Variants in CDK5RAP2 observed in about 807,000 individuals in gnomAD.
CDK5RAP2 encodes CDK5 regulatory subunit associated protein 2.
In CDK5RAP2, 147 loss-of-function variants were observed where a neutral mutation model predicts 232.9. The observed-to-expected ratio is 0.63, with a 90% CI of 0.55 to 0.72. The LOEUF (loss-of-function observed/expected upper bound fraction) is 0.72. CDK5RAP2 is among the 30% of genes least tolerant of loss of function. The pLI, the probability that CDK5RAP2 is intolerant of heterozygous loss-of-function variation, is 0.00. For synonymous variants in CDK5RAP2, 833 were observed against 833.7 expected (o/e 1.00, Z 0.01); for missense variants, 2,195 against 2,231.5 (o/e 0.98, Z 0.33).
At chr9:120,520,289 T>C (rs969205200) in intron 11 of CDK5RAP2, among the ~76,000 whole-genome samples, 2 of 152,198 alleles carry the variant, frequency 1.3e-5, no homozygotes, top group African/African-American at 4.8e-5. Context: ...TCGCTGCCTG[T>C]AATCCCAACA....
rs538618954 is a variant in CDK5RAP2 at position 120,404,186 on chromosome 9, C to T, written c.4964-73G>A. ...TTCAAGAGAGAACTGAAAGAGAATA[C>T]AGTCAAGCCCCTCACATTCACTTAT... is the stretch of plus-strand genomic sequence containing the variant. On this transcript the variant is annotated intron_variant, in intron 32 of 37. Coordinates refer to ENST00000349780, the MANE Select transcript of CDK5RAP2 (RefSeq NM_018249.6). 4.6e-4 allele frequency: 433 copies of T among 947,526 alleles called. 1 individual carries two copies. Among genetic ancestry groups the T allele is most frequent in the Non-Finnish European group, 6.1e-4 (352 of 581,158 alleles). The allele number at this position is 947,526 out of a possible 1,614,324, so 58.7% of individuals were successfully genotyped here.
At chr9:120,570,962 G>T (rs1253111243) in intron 2 of CDK5RAP2, among the ~76,000 whole-genome samples, 1 of 152,180 alleles carries the variant, frequency 6.6e-6, no homozygotes, top group Non-Finnish European at 1.5e-5. Flanking sequence ...AGGAATTCGA[G>T]ACCAGACTGG....
At chr9:120,443,256 C>T (rs1303754835) in intron 23 of CDK5RAP2, among the ~76,000 whole-genome samples, 1 of 152,144 alleles carries the variant, frequency 6.6e-6, no homozygotes, top group Non-Finnish European at 1.5e-5. Flanking sequence ...CAGGCAGCCC[C>T]GCGCTGAATA....
In CDK5RAP2 at chr9:120,550,815, G is replaced by A. The variant is rs151051204; in HGVS notation, c.283C>T (p.Pro95Ser). The A allele has an allele frequency of 6.2e-7, 1 of 1,608,450 alleles. No individual in the cohort carries two copies. Among genetic ancestry groups the A allele is most frequent in the Non-Finnish European group, 8.5e-7 (1 of 1,174,882 alleles). Residue 95 changes from proline (P) to serine (S), a missense_variant, in exon 4 of 38, where the codon CCC becomes TCC. Transcript: ENST00000349780. ...ACAGTTTTGTAGATATGTTCAGTGG[G>A]GCCATGAAATTCCTGTTGCATTCTT... is the stretch of plus-strand genomic sequence containing the variant. ...EERMQQEFHG[P>S]TEHIYKTNIE...
intron 11 of CDK5RAP2, among the ~76,000 whole-genome samples, chr9:120,524,207 A>C (rs1749845327): frequency 6.6e-6 from 1 of 152,246 alleles, no homozygotes; most frequent in Non-Finnish European, 1.5e-5. Context: ...TATGGGGAGC[A>C]CTTAGCAGGC....
At chr9:120,559,488 C>CAAA (rs558274119) in intron 3 of CDK5RAP2, among the ~76,000 whole-genome samples, 4 of 48,862 alleles carry the variant, frequency 8.2e-5, no homozygotes, top group Non-Finnish European at 1.6e-4. Flanking sequence ...GACTCTGTCT[C>CAAA]AAAAAAAAAA....
At chr9:120,484,479 T>C (rs1187821877) in intron 14 of CDK5RAP2, among the ~76,000 whole-genome samples, 1 of 152,064 alleles carries the variant, frequency 6.6e-6, no homozygotes, top group African/African-American at 2.4e-5. Flanking sequence ...CCCAGCAATT[T>C]GGGAGGATGA....
chr9:120,405,190 ACAT>A (rs1170431767), intron 32 of CDK5RAP2, among the ~76,000 whole-genome samples: 1 of 152,238 alleles, frequency 6.6e-6, no homozygotes, highest in African/African-American at 2.4e-5. Flanking sequence ...TCAGTGAAAG[ACAT>A]CAGCCTTTAG....
rs1473017306 is a variant in CDK5RAP2, at chr9:120,448,047, T to G, written c.2873A>C (p.Gln958Pro). ...GCTCTGCAGCTGCGTCACCACCTCC[T>G]GGGTGGCAGGGAGACGATACATATT... ...LGNMYRLPAT[Q>P]EVVTQLQSQI... The change falls in exon 22 of 38, where the codon CAG (glutamine) becomes CCG (proline). Residue 958 changes from glutamine (Q) to proline (P), a missense_variant. Coordinates refer to ENST00000349780, the MANE Select transcript of CDK5RAP2 (RefSeq NM_018249.6). 6.2e-7 allele frequency: 1 copy of G among 1,614,112 alleles called. No individual in the cohort carries two copies. Among genetic ancestry groups the G allele is most frequent in the Middle Eastern group, 1.7e-4 (1 of 6,060 alleles).
intron 31 of CDK5RAP2, 144 bp from the exon 32 acceptor site, chr9:120,407,392 G>T: frequency 1.4e-6 from 1 of 692,188 alleles, no homozygotes; most frequent in Non-Finnish European, 2.6e-6. Flanking sequence ...ATAACAACTT[G>T]ACTTTAGAAA....
chr9:120,548,388 A>C (rs1192708158), intron 4 of CDK5RAP2, among the ~76,000 whole-genome samples: 2 of 152,238 alleles, frequency 1.3e-5, no homozygotes, highest in African/African-American at 2.4e-5. Flanking sequence ...ATGAATGCTA[A>C]CATGTCCATT....
Position 120,461,666 on chromosome 9 carries a change from C to T in CDK5RAP2, c.2107-999G>A, listed in dbSNP as rs560594193. Among the ~76,000 whole-genome samples, 9 of 152,220 alleles carry T rather than the reference C, an allele frequency of 5.9e-5. No individual in the cohort carries two copies. The South Asian group carries it at 1.9e-3, about 32-fold the overall frequency. ...GACCAGTCAGGGCAACAGAGTGAGA[C>T]ACCTGTCTCTACAAAAAACACAAAA... On this transcript the variant is annotated intron_variant, in intron 18 of 37. Coordinates refer to ENST00000349780, the MANE Select transcript of CDK5RAP2 (RefSeq NM_018249.6).
chr9:120,437,393 T>G lies in CDK5RAP2; in HGVS notation c.3857A>C (p.Gln1286Pro). 1.2e-6 allele frequency: 2 copies of G among 1,614,168 alleles called. No homozygotes were observed. The highest frequency in any genetic ancestry group is 1.1e-5 in the South Asian group (1 of 91,080). Residue 1286 changes from glutamine (Q) to proline (P), a missense_variant, in exon 25 of 38, where the codon CAG becomes CCG. Coordinates refer to ENST00000349780, the MANE Select transcript of CDK5RAP2 (RefSeq NM_018249.6). ...CACACAGTAATCCACATCACTGGCC[T>G]GCAGCAACTCCTCAAATGCCTTAAT... ...TMIKAFEELL[Q>P]ASDVDYCVAE...
In CDK5RAP2 at chr9:120,422,689, T is replaced by C. The variant is rs1203715361; in HGVS notation, c.4004+4A>G. On this transcript the variant is annotated splice_donor_region_variant and intron_variant, in intron 26 of 37. Coordinates refer to ENST00000349780, the MANE Select transcript of CDK5RAP2 (RefSeq NM_018249.6). ...AGTCTTCTTAACAAATGTTACACAC[T>C]CACCTCTCCATCAGTTCATTCTGGG... 1 of 1,608,758 alleles carries C rather than the reference T, an allele frequency of 6.2e-7. No individual in the cohort carries two copies. The highest frequency in any genetic ancestry group is 8.5e-7 in the Non-Finnish European group (1 of 1,175,250).
At chr9:120,514,520 G>A (rs933226971) in intron 12 of CDK5RAP2, among the ~76,000 whole-genome samples, 2 of 152,144 alleles carry the variant, frequency 1.3e-5, no homozygotes, top group Non-Finnish European at 1.5e-5. Context: ...GCAGTAAATC[G>A]GGAAGATGTG....
chr9:120,511,876 T>C (rs976577646), intron 12 of CDK5RAP2, among the ~76,000 whole-genome samples: 1 of 151,780 alleles, frequency 6.6e-6, no homozygotes, highest in Non-Finnish European at 1.5e-5. Flanking sequence ...TAGCTGGGAC[T>C]ACAGGTGTCT....
At chr9:120,406,718 T>A in intron 32 of CDK5RAP2, 4 of 425,324 alleles carry the variant, frequency 9.4e-6, no homozygotes, top group Non-Finnish European at 1.7e-5. Flanking sequence ...ATCAAAGTGA[T>A]GCAGGCAGGA....
chr9:120,416,109 T>C (rs992634407), intron 27 of CDK5RAP2, among the ~76,000 whole-genome samples: 1 of 152,194 alleles, frequency 6.6e-6, no homozygotes, highest in Non-Finnish European at 1.5e-5. Context: ...TGAGGGTTTT[T>C]TCCCCCACAG....
rs974210098 is a variant in CDK5RAP2 at position 120,476,610 on chromosome 9, C to T, written c.1727+740G>A. On this transcript the variant is annotated intron_variant, in intron 15 of 37. Transcript: ENST00000349780. ...AGGAGAATCGCTTGAACCCGGGAGG[C>T]GGAGGTTGCAGTGAGCCGAGATCCT... Among the ~76,000 whole-genome samples, 20 of 149,228 alleles carry T rather than the reference C, an allele frequency of 1.3e-4. No individual in the cohort carries two copies. The South Asian group carries it at 3.2e-3, about 24-fold the overall frequency.
Sources: allele counts gnomAD v4.1 joint callset (sites outside exome capture counted in the v4.1 genomes callset), GRCh38; gene constraint gnomAD v4.1.1; transcripts MANE v1.5; gene names NCBI Gene and HGNC (gene_info 2026-07-23, HGNC 2026-07-21).